Variants in RFC1 observed in about 807,000 individuals in gnomAD.
The protein encoded by RFC1 is replication factor C subunit 1, also known as A1 140 kDa subunit.
Under a neutral mutation model 137.4 loss-of-function variants are expected in RFC1, and 37 were observed. The observed-to-expected ratio is 0.27, with a 90% CI of 0.21 to 0.35. The LOEUF (loss-of-function observed/expected upper bound fraction) is 0.35, where lower values mean the gene tolerates loss of function less well. Ranked by LOEUF, RFC1 falls within the 10% of genes least tolerant of loss-of-function variation. The pLI, the probability that RFC1 is intolerant of heterozygous loss-of-function variation, is 1.00. For synonymous variants in RFC1, 429 were observed against 455.7 expected, an observed-to-expected ratio of 0.94 and a Z score of 0.75; for missense variants, 1,205 against 1,358.5, an observed-to-expected ratio of 0.89 and a Z score of 1.78.
At chr4:39,292,584 C>G (rs1737740868) in intron 22 of RFC1, among the ~76,000 whole-genome samples, 1 of 151,958 alleles carries the variant, frequency 6.6e-6, no homozygotes, top group Non-Finnish European at 1.5e-5. Flanking sequence ...CCAGCTGCCT[C>G]TATCTTCAAA....
At chr4:39,333,796 T>C (rs1294422449) in intron 4 of RFC1, among the ~76,000 whole-genome samples, 2 of 152,162 alleles carry the variant, frequency 1.3e-5, no homozygotes, top group East Asian at 3.8e-4. Flanking sequence ...AGCTATAGAT[T>C]TAAAAAATGT....
At chr4:39,305,932 C>T (rs887865580) in intron 14 of RFC1, among the ~76,000 whole-genome samples, 1 of 152,010 alleles carries the variant, frequency 6.6e-6, no homozygotes, top group African/African-American at 2.4e-5. Context: ...CAGATGCATA[C>T]AACAAAAAAA....
chr4:39,295,719 C>T lies in RFC1; in HGVS notation c.2849G>A (p.Gly950Glu). The T allele has an allele frequency of 1.9e-6, 3 of 1,613,186 alleles. No individual in the cohort carries two copies. The highest frequency in any genetic ancestry group is 2.5e-6 in the Non-Finnish European group (3 of 1,179,612). ...GAAGGTGGGAAACTGGGTCATGTAC[C>T]CCCTCATCAACTCTCCAGGAAGAAC... ...ASVLPGELMR[G>E]YMTQFPTFPS... is the part of the protein sequence containing the mutation. The change falls in exon 22 of 25, where the codon GGG becomes GAG. Residue 950 changes from glycine to glutamate, a missense_variant. Coordinates refer to ENST00000349703, the MANE Select transcript of RFC1 (RefSeq NM_002913.5).
chr4:39,313,273 C>G (rs1327778121), intron 10 of RFC1, among the ~76,000 whole-genome samples: 3 of 152,188 alleles, frequency 2.0e-5, no homozygotes, highest in East Asian at 3.8e-4. Flanking sequence ...AAATAAACAA[C>G]CAAATGCAAT....
At chr4:39,357,574 T>C (rs1741537481) in intron 1 of RFC1, among the ~76,000 whole-genome samples, 1 of 152,160 alleles carries the variant, frequency 6.6e-6, no homozygotes, top group African/African-American at 2.4e-5. Flanking sequence ...TCACCAGGGC[T>C]AATGTACTCC....
Position 39,288,837 on chromosome 4 carries a change from G to A in RFC1, c.3368C>T (p.Thr1123Ile), listed in dbSNP as rs1004627601. Residue 1123 changes from threonine to isoleucine, a missense_variant, in exon 25 of 25, where the codon ACA becomes ATA. By Grantham distance (89) the Thr-to-Ile change is moderately conservative. Coordinates refer to ENST00000349703, the MANE Select transcript of RFC1 (RefSeq NM_002913.5). Reference protein sequence around the residue: ...IETDAMIKKKTKSSKPSKPEK... With the variant: ...IETDAMIKKKIKSSKPSKPEK... ...TGGTTTTGAAGGCTTTGAAGATTTT[G>A]TCTTTTTCTGTTAGGGGGAAGATAA... The A allele has an allele frequency of 9.4e-6, 15 of 1,604,068 alleles. No individual in the cohort carries two copies. The highest frequency in any genetic ancestry group is 1.3e-5 in the Non-Finnish European group (15 of 1,173,610).
intron 3 of RFC1, among the ~76,000 whole-genome samples, chr4:39,344,975 C>G (rs1383433091): frequency 6.6e-6 from 1 of 152,150 alleles, no homozygotes; most frequent in East Asian, 1.9e-4. Flanking sequence ...TTATTAACAT[C>G]TCAGAGAGCT....
chr4:39,314,277 A>G (rs1739123826), intron 10 of RFC1, among the ~76,000 whole-genome samples: 1 of 152,228 alleles, frequency 6.6e-6, no homozygotes, highest in African/African-American at 2.4e-5. Flanking sequence ...GTAACACTAC[A>G]GGAACTTAAC....
At chr4:39,364,382 A>T (rs1201641333) in intron 1 of RFC1, among the ~76,000 whole-genome samples, 1 of 152,234 alleles carries the variant, frequency 6.6e-6, no homozygotes, top group Non-Finnish European at 1.5e-5. Flanking sequence ...CTGGAGGGCT[A>T]AATTAAATAT....
Position 39,320,451 on chromosome 4 carries a change from T to C in RFC1, c.1027A>G (p.Asn343Asp). The C allele has an allele frequency of 1.3e-6, 2 of 1,586,550 alleles. No individual in the cohort carries two copies. Among genetic ancestry groups the C allele is most frequent in the Non-Finnish European group, 1.7e-6 (2 of 1,172,878 alleles). The part of the protein sequence containing the change: ...IEPVASKRKE[N>D]AIKLKGETKT... The stretch of plus-strand genomic sequence containing the variant: ...GTCTCTCCTTTCAATTTAATGGCAT[T>C]TTCTTTTCTTTTTGAGGCCACAGGC... The change falls in exon 9 of 25, where the codon AAT (asparagine) becomes GAT (aspartate). Residue 343 changes from asparagine (N) to aspartate (D), a missense_variant. By Grantham distance (23) the Asn-to-Asp change is conservative (BLOSUM62 1). Transcript: ENST00000349703.
chr4:39,296,562 T>C (rs1738020856), intron 21 of RFC1, among the ~76,000 whole-genome samples: 1 of 150,422 alleles, frequency 6.6e-6, no homozygotes, highest in Non-Finnish European at 1.5e-5. Flanking sequence ...TTCATCCATG[T>C]CCCTACAAAG....
At position 39,309,045 on chromosome 4, in the gene RFC1, A is replaced by G. The variant is rs1738836215; in HGVS notation, c.1489-13T>C. The G allele has an allele frequency of 6.4e-7, 1 of 1,570,346 alleles. No homozygotes were observed. The highest frequency in any genetic ancestry group is 2.1e-5 in the Admixed American group (1 of 48,280). On this transcript the variant is annotated splice_polypyrimidine_tract_variant and intron_variant, in intron 12 of 24. Coordinates refer to ENST00000349703, the MANE Select transcript of RFC1 (RefSeq NM_002913.5). ...ACTCTTTCTTCATCTTAAGAAGTGG[A>G]AAAATGAGGAAAAAAGAAACCTGAT...
At chr4:39,294,234 A>G (rs1737851659) in intron 22 of RFC1, among the ~76,000 whole-genome samples, 1 of 152,230 alleles carries the variant, frequency 6.6e-6, no homozygotes, top group African/African-American at 2.4e-5. Flanking sequence ...AAGATAATAA[A>G]ATAGAATTTT....
intron 4 of RFC1, among the ~76,000 whole-genome samples, chr4:39,338,847 C>T (rs1207714879): frequency 6.6e-6 from 1 of 152,144 alleles, no homozygotes; most frequent in African/African-American, 2.4e-5. Flanking sequence ...TCATGTTATA[C>T]ATTAGATCTC....
intron 14 of RFC1, among the ~76,000 whole-genome samples, chr4:39,305,992 A>G (rs1018057324): frequency 2.6e-5 from 4 of 152,226 alleles, no homozygotes; most frequent in African/African-American, 9.6e-5. Context: ...ATCCAGCAAT[A>G]AATTTCTAAT....
chr4:39,355,635 C>T (rs768659825), intron 1 of RFC1, among the ~76,000 whole-genome samples: 1 of 152,200 alleles, frequency 6.6e-6, no homozygotes, highest in Non-Finnish European at 1.5e-5. Context: ...TTTTAGAAGA[C>T]TGATAATGCC....
chr4:39,322,983 G>A (rs1739595058), intron 7 of RFC1, among the ~76,000 whole-genome samples: 1 of 152,134 alleles, frequency 6.6e-6, no homozygotes, highest in Non-Finnish European at 1.5e-5. Context: ...TACTCGGGAG[G>A]CTGAGGCAGG....
rs1421773237 is a variant in RFC1 at position 39,290,142 on chromosome 4, T to G, written c.3169-103A>C. Reference sequence around the variant, plus strand: ...ACCCTGGGAGCCCCCTGCAACTGTTTGCAAAGTATTTATGTATATACATGT... The same window carrying G: ...ACCCTGGGAGCCCCCTGCAACTGTTGGCAAAGTATTTATGTATATACATGT... On this transcript the variant is annotated intron_variant, in intron 23 of 24. Coordinates refer to ENST00000349703, the MANE Select transcript of RFC1 (RefSeq NM_002913.5). The G allele has an allele frequency of 6.6e-6, 5 of 759,898 alleles. No homozygotes were observed. In the Admixed American group the frequency reaches 9.6e-5, roughly 15 times the overall value. 47.1% of individuals were successfully genotyped at this position (759,898 alleles called of 1,614,324 possible).
At chr4:39,360,892 T>A (rs1332792500) in intron 1 of RFC1, among the ~76,000 whole-genome samples, 4 of 152,182 alleles carry the variant, frequency 2.6e-5, no homozygotes, top group Non-Finnish European at 5.9e-5. Context: ...AATAAAGAAA[T>A]ATAAGTATTT....
Sources: gnomAD v4.1 joint callset for allele counts (sites outside exome capture counted in the v4.1 genomes callset) on GRCh38, gnomAD v4.1.1 for gene constraint, MANE v1.5 for transcripts, NCBI Gene and HGNC (gene_info 2026-07-23, HGNC 2026-07-21) for gene names.